The following PPM1H variants were observed in gnomAD, a reference collection of about 807,000 sequenced individuals.
The protein encoded by PPM1H is protein phosphatase 1H.
Under a neutral mutation model 54.9 loss-of-function variants are expected in PPM1H, and 27 were observed. The ratio of observed to expected loss-of-function variants is 0.49; its 90% CI spans 0.36 to 0.68. The LOEUF (loss-of-function observed/expected upper bound fraction) is 0.68, where lower values mean the gene tolerates loss of function less well. Among genes scored for constraint, PPM1H ranks in the 30% least tolerant of loss-of-function variants. The probability of loss-of-function intolerance (pLI) is 0.00; values close to 1 mark genes in which losing one functional copy is unlikely to be tolerated. For synonymous variants in PPM1H, 305 were observed against 270.8 expected, an observed-to-expected ratio of 1.13 and a Z score of -1.24; for missense variants, 596 against 667.8, an observed-to-expected ratio of 0.89 and a Z score of 1.19.
intron 6 of PPM1H, among the ~76,000 whole-genome samples, chr12:62,702,916 C>T (rs981812356): frequency 8.5e-5 from 13 of 152,296 alleles, no homozygotes; most frequent in East Asian, 1.9e-4. Context: ...ACATCTCAAT[C>T]GTCATGTGAA....
intron 8 of PPM1H, among the ~76,000 whole-genome samples, chr12:62,673,715 CTTTTTTTTTTTTTTT>C (rs567775927): frequency 2.1e-4 from 9 of 41,960 alleles, no homozygotes; most frequent in East Asian, 2.0e-3. Context: ...AAGAGCCACT[CTTTTTTTTTTTTTTT>C]TTTTTTTTTT....
chr12:62,715,496 G>A (rs1034777538), intron 6 of PPM1H, among the ~76,000 whole-genome samples: 2 of 152,170 alleles, frequency 1.3e-5, no homozygotes, highest in East Asian at 3.9e-4. Flanking sequence ...CATTATGAAG[G>A]TCCTGGTGAC....
At chr12:62,794,911 T>C (rs1307723807) in intron 3 of PPM1H, among the ~76,000 whole-genome samples, 1 of 152,264 alleles carries the variant, frequency 6.6e-6, no homozygotes, top group East Asian at 1.9e-4. Context: ...GTCGGAAAAT[T>C]CCTGAGATTT....
chr12:62,743,348 G>A (rs2076393239), intron 4 of PPM1H, among the ~76,000 whole-genome samples: 1 of 152,028 alleles, frequency 6.6e-6, no homozygotes, highest in African/African-American at 2.4e-5. Context: ...TTGAGACCCT[G>A]TCTCAAAAAC....
chr12:62,663,114 C>T (rs1418438162), intron 9 of PPM1H, among the ~76,000 whole-genome samples: 1 of 152,064 alleles, frequency 6.6e-6, no homozygotes, highest in Non-Finnish European at 1.5e-5. Context: ...GTTTACCCGT[C>T]CCACCACTGG....
At chr12:62,661,575 T>G (rs1351525953) in intron 9 of PPM1H, among the ~76,000 whole-genome samples, 1 of 152,178 alleles carries the variant, frequency 6.6e-6, no homozygotes, top group East Asian at 1.9e-4. Flanking sequence ...TTTTGTATTT[T>G]TAGTATAGAC....
intron 4 of PPM1H, among the ~76,000 whole-genome samples, chr12:62,747,598 ACT>A (rs1416357107): frequency 1.3e-5 from 2 of 152,116 alleles, no homozygotes; most frequent in Non-Finnish European, 2.9e-5. Flanking sequence ...ATGTAGGAAC[ACT>A]CTGTTAGCAC....
chr12:62,688,021 A>AG, intron 8 of PPM1H, among the ~76,000 whole-genome samples: 1 of 151,902 alleles, frequency 6.6e-6, no homozygotes, highest in South Asian at 2.1e-4. Flanking sequence ...AAAAAAAAAA[A>AG]AAAAGAAACA....
At chr12:62,786,851 G>A (rs758949518) in intron 4 of PPM1H, among the ~76,000 whole-genome samples, 6 of 152,150 alleles carry the variant, frequency 3.9e-5, no homozygotes, top group Non-Finnish European at 7.3e-5. Context: ...TTTACAACAT[G>A]TATTACACAC....
chr12:62,882,778 T>C (rs1362545756), intron 1 of PPM1H, among the ~76,000 whole-genome samples: 1 of 152,260 alleles, frequency 6.6e-6, no homozygotes, highest in East Asian at 1.9e-4. Context: ...GCAAGTCTGA[T>C]GTCACTTCTG....
At chr12:62,811,469 T>C (rs963134670) in intron 2 of PPM1H, among the ~76,000 whole-genome samples, 1 of 152,214 alleles carries the variant, frequency 6.6e-6, no homozygotes, top group Admixed American at 6.5e-5. Flanking sequence ...ACTGTGCAAC[T>C]CCTGTTGCTT....
intron 1 of PPM1H, among the ~76,000 whole-genome samples, chr12:62,920,922 T>G (rs1871778439): frequency 6.6e-6 from 1 of 151,908 alleles, no homozygotes; most frequent in Non-Finnish European, 1.5e-5. Flanking sequence ...ATTAATTAAT[T>G]TATTTATTTA....
intron 4 of PPM1H, among the ~76,000 whole-genome samples, chr12:62,738,383 A>C (rs1027503098): frequency 2.0e-5 from 3 of 151,626 alleles, no homozygotes; most frequent in Non-Finnish European, 2.9e-5. Context: ...AACCAAAACC[A>C]CTCATCTCAA....
At chr12:62,817,137 GAAAAAAAAAAAAACTAAAAAAAAGAAAA>G (rs1592614359) in intron 2 of PPM1H, among the ~76,000 whole-genome samples, 4 of 67,364 alleles carry the variant, frequency 5.9e-5, no homozygotes, top group African/African-American at 1.9e-4. Flanking sequence ...AAAAAAAAAA[GAAAAAAAAAAAAACTAAAAAAAAGAAAA>G]AAAAAAAAAA....
At chr12:62,803,613 A>G (rs2076785870) in intron 2 of PPM1H, among the ~76,000 whole-genome samples, 1 of 152,164 alleles carries the variant, frequency 6.6e-6, no homozygotes, top group African/African-American at 2.4e-5. Flanking sequence ...AACATGGGGG[A>G]AAAAAACTCC....
intron 2 of PPM1H, among the ~76,000 whole-genome samples, chr12:62,826,585 T>C (rs1592620312): frequency 2.0e-5 from 3 of 152,246 alleles, no homozygotes; most frequent in East Asian, 3.8e-4. Context: ...AAAATTCCTA[T>C]AATACTGTTT....
At chr12:62,662,820 G>C (rs2075892497) in intron 9 of PPM1H, among the ~76,000 whole-genome samples, 1 of 152,068 alleles carries the variant, frequency 6.6e-6, no homozygotes, top group Non-Finnish European at 1.5e-5. Flanking sequence ...AAACCCAACA[G>C]GCCTCAAGCA....
chr12:62,651,444 A>G (rs1025287233), intron 9 of PPM1H, among the ~76,000 whole-genome samples: 4 of 152,176 alleles, frequency 2.6e-5, no homozygotes, highest in Non-Finnish European at 4.4e-5. Flanking sequence ...ACAAGAGACC[A>G]CCCTGATGCT....
intron 4 of PPM1H, among the ~76,000 whole-genome samples, chr12:62,764,963 T>G (rs1565782032): frequency 6.6e-6 from 1 of 152,188 alleles, no homozygotes; most frequent in Non-Finnish European, 1.5e-5. Context: ...GAGGACAGGC[T>G]CAGGGGAGGC....
Sources: allele counts gnomAD v4.1 joint callset (sites outside exome capture counted in the v4.1 genomes callset), GRCh38; gene constraint gnomAD v4.1.1; transcripts MANE v1.5; gene names NCBI Gene and HGNC (gene_info 2026-07-23, HGNC 2026-07-21).